The following ACE variants were observed in gnomAD, a reference collection of about 807,000 sequenced individuals.
The protein encoded by ACE is angiotensin I converting enzyme.
In ACE, 122 loss-of-function variants were observed where a neutral mutation model predicts 162.3. The ratio of observed to expected loss-of-function variants is 0.75; its 90% CI spans 0.65 to 0.87. ACE has a LOEUF of 0.87. ACE is among the 40% of genes least tolerant of loss of function. The pLI is 0.00. For synonymous variants in ACE, 796 were observed against 720.6 expected, an observed-to-expected ratio of 1.10 and a Z score of -1.68; for missense variants, 1,799 against 1,735.1, an observed-to-expected ratio of 1.04 and a Z score of -0.65.
chr17:63,485,475 T>C, intron 13 of ACE, 103 bp downstream of exon 13: 1 of 1,515,160 alleles, frequency 6.6e-7, no homozygotes. Context: ...TTAAATTGAA[T>C]ATTTAAAACA....
chr17:63,486,738 G>A, intron 14 of ACE, 23 bp downstream of exon 14: 1 of 1,614,086 alleles, frequency 6.2e-7, no homozygotes, highest in Non-Finnish European at 8.5e-7. Context: ...CAAGGTACAG[G>A]GAGAGGGGAA....
intron 6 of ACE, 31 bp downstream of exon 6, chr17:63,481,219 G>A (rs1448908931): frequency 7.2e-6 from 11 of 1,527,436 alleles, no homozygotes; most frequent in Non-Finnish European, 9.9e-6. Flanking sequence ...TGGGGTGGTG[G>A]GGGTCGGGGG....
chr17:63,495,801 T>A (rs1261088869), intron 22 of ACE, among the ~76,000 whole-genome samples: 2 of 152,216 alleles, frequency 1.3e-5, no homozygotes. Flanking sequence ...ACAAAGCACT[T>A]TTAGGAAAGA....
In ACE at chr17:63,482,602, G is replaced by C; in HGVS notation, c.1255G>C (p.Ala419Pro). ...GGGGGCCAACCCCGGCTTCCATGAG[G>C]CCATTGGGGACGTGCTGGCGCTCTC... is the stretch of plus-strand genomic sequence containing the variant. ...RRGANPGFHE[A>P]IGDVLALSVS... Residue 419 changes from alanine (A) to proline (P), a missense_variant, in exon 8 of 25, where the codon GCC (alanine) becomes CCC (proline). Physicochemically the swap from Ala to Pro is conservative, Grantham distance 27. Transcript: ENST00000290866. 6.2e-7 allele frequency: 1 copy of C among 1,614,128 alleles called. No individual in the cohort carries two copies. The highest frequency in any genetic ancestry group is 8.5e-7 in the Non-Finnish European group (1 of 1,180,022).
chr17:63,477,363 C>T lies in ACE; in HGVS notation c.249+20C>T. The T allele has an allele frequency of 1.7e-6, 2 of 1,183,836 alleles. No individual in the cohort carries two copies. The highest frequency in any genetic ancestry group is 1.1e-6 in the Non-Finnish European group (1 of 950,452). The allele number at this position is 1,183,836 out of a possible 1,614,324, so 73.3% of individuals were successfully genotyped here. On this transcript the variant is annotated intron_variant, in intron 1 of 24. Coordinates refer to ENST00000290866, the MANE Select transcript of ACE (RefSeq NM_000789.4). ...CGCCAGGTGGGCGCCCGGGCCCGGG[C>T]GGGGGCGGGGCGGGGCCGCGGCGGC...
At position 63,494,364 on chromosome 17, in the gene ACE, C is replaced by T. The variant is rs755250488; in HGVS notation, c.3282-8C>T. 3 of 1,613,278 alleles carry T rather than the reference C, an allele frequency of 1.9e-6. No homozygotes were observed. Among genetic ancestry groups the T allele is most frequent in the African/African-American group, 2.7e-5 (2 of 74,924 alleles). ...ACTCATCTTCCAACATATATTCCCA[C>T]TCGACAGGCTGAAGTACCAGGGCCT... On this transcript the variant is annotated splice_region_variant and splice_polypyrimidine_tract_variant and intron_variant, in intron 21 of 24. Coordinates refer to ENST00000290866, the MANE Select transcript of ACE (RefSeq NM_000789.4).
rs138501210 is a variant in ACE, at chr17:63,480,522, C to T, written c.841C>T (p.Leu281=). The T allele has an allele frequency of 1.9e-6, 3 of 1,613,648 alleles. No homozygotes were observed. The highest frequency in any genetic ancestry group is 2.5e-6 in the Non-Finnish European group (3 of 1,180,028). ...CCTCAGGGGACCCATCCCTGCTCAT[C>T]TGCTGGGTAAGGACCTGGCCTCGCC... ...INLRGPIPAH[L]LGDMWAQSWE... The change falls in exon 5 of 25, where the codon CTG becomes TTG. Residue 281 remains leucine (L), a synonymous_variant. Transcript: ENST00000290866.
At chr17:63,495,825 TG>T (rs1435875299) in intron 22 of ACE, among the ~76,000 whole-genome samples, 1 of 152,228 alleles carries the variant, frequency 6.6e-6, no homozygotes, top group Admixed American at 6.5e-5. Flanking sequence ...GGGAACTAGG[TG>T]GTACATGCTT....
intron 2 of ACE, 47 bp from the exon 3 acceptor site, chr17:63,478,960 G>A (rs780322332): frequency 6.5e-7 from 1 of 1,527,438 alleles, no homozygotes; most frequent in Admixed American, 1.7e-5. Context: ...GAGGGCAGAT[G>A]TCCCAGGGGC....
chr17:63,496,212 A>G, intron 22 of ACE, 182 bp from the exon 23 acceptor site: 2 of 832,758 alleles, frequency 2.4e-6, no homozygotes, highest in Non-Finnish European at 3.9e-6. Context: ...GGCTCAGACA[A>G]TGCTAAGAGC....
chr17:63,496,785 C>G lies in ACE; in HGVS notation c.3504-13C>G. 1 of 1,610,978 alleles carries G rather than the reference C, an allele frequency of 6.2e-7. No individual in the cohort carries two copies. Among genetic ancestry groups the G allele is most frequent in the Non-Finnish European group, 8.5e-7 (1 of 1,179,960 alleles). ...TCCTTCTGACTCTGCCTCCCTGTCT[C>G]ATGCCTCCCCAGGACCGCCATGAAG... On this transcript the variant is annotated splice_polypyrimidine_tract_variant and intron_variant, in intron 23 of 24. Transcript: ENST00000290866.
intron 7 of ACE, 134 bp downstream of exon 7, chr17:63,481,872 C>A: frequency 8.5e-7 from 1 of 1,176,388 alleles, no homozygotes; most frequent in Non-Finnish European, 1.2e-6. Context: ...GAGGCTGGGT[C>A]TGTTCCAGGG....
chr17:63,493,230 G>A (rs549578656), intron 19 of ACE, among the ~76,000 whole-genome samples: 11 of 152,302 alleles, frequency 7.2e-5, no homozygotes, highest in Admixed American at 2.6e-4. Context: ...TGGCCTGAAC[G>A]GCCCGATGCT....
chr17:63,481,318 G>A, intron 6 of ACE, 130 bp downstream of exon 6: 2 of 956,576 alleles, frequency 2.1e-6, no homozygotes, highest in Non-Finnish European at 1.6e-6. Context: ...TGTAGGAGCA[G>A]TGAGCTGGGG....
chr17:63,494,124 G>A, intron 21 of ACE, 58 bp downstream of exon 21: 7 of 1,608,488 alleles, frequency 4.4e-6, no homozygotes, highest in South Asian at 1.1e-5. Context: ...GTCTGCATGT[G>A]CCTGGGTGTC....
intron 9 of ACE, 137 bp downstream of exon 9, chr17:63,483,310 T>A: frequency 6.6e-7 from 1 of 1,524,928 alleles, no homozygotes; most frequent in Non-Finnish European, 9.1e-7. Context: ...CGCCTTCTCC[T>A]TTCCTGCCTG....
At position 63,483,567 on chromosome 17, in the gene ACE, G is replaced by GCGGGGCCGCGCCCCCCCC; in HGVS notation, c.1586+10_1586+11insGGGGCCGCGCCCCCCCCC. The GCGGGGCCGCGCCCCCCCC allele has an allele frequency of 6.3e-7, 1 of 1,589,582 alleles. No homozygotes were observed. The highest frequency in any genetic ancestry group is 8.6e-7 in the Non-Finnish European group (1 of 1,165,688). ...GTGACACCATACATCAGGTATTAGC[G>GCGGGGCCGCGCCCCCCCC]CCCCCACCCCACCCACCCCCAGTAC... On this transcript the variant is annotated intron_variant, in intron 10 of 24. Coordinates refer to ENST00000290866, the MANE Select transcript of ACE (RefSeq NM_000789.4).
chr17:63,482,384 C>G, intron 7 of ACE, 82 bp from the exon 8 acceptor site: 1 of 1,275,824 alleles, frequency 7.8e-7, no homozygotes, highest in Non-Finnish European at 1.1e-6. Context: ...TCCTGTCTTT[C>G]AGGTGCCAAT....
intron 1 of ACE, 106 bp from the exon 2 acceptor site, chr17:63,477,825 T>A: frequency 7.1e-7 from 1 of 1,414,684 alleles, no homozygotes; most frequent in Non-Finnish European, 9.7e-7. Flanking sequence ...GCCCGGGCTC[T>A]GGAAGCCCTT....
Sources: allele counts gnomAD v4.1 joint callset (sites outside exome capture counted in the v4.1 genomes callset), GRCh38; gene constraint gnomAD v4.1.1; transcripts MANE v1.5; gene names NCBI Gene and HGNC (gene_info 2026-07-23, HGNC 2026-07-21).